ORAI2: variants seen among roughly 807,000 people sequenced by gnomAD.
ORAI2 encodes ORAI calcium release-activated calcium modulator 2.
A neutral mutation model predicts 16.2 loss-of-function variants in ORAI2; 10 were observed. The observed-to-expected ratio is 0.62, with a 90% CI of 0.38 to 1.04. ORAI2 has a LOEUF of 1.04. Among genes scored for constraint, ORAI2 ranks in the 50% least tolerant of loss-of-function variants. The pLI is 0.01. For synonymous variants in ORAI2, 150 were observed against 157.5 expected, an observed-to-expected ratio of 0.95 and a Z score of 0.35; for missense variants, 238 against 355.5, an observed-to-expected ratio of 0.67 and a Z score of 2.66.
intron 3 of ORAI2, among the ~76,000 whole-genome samples, chr7:102,446,204 C>G (rs544919308): frequency 6.6e-6 from 1 of 152,382 alleles, no homozygotes; most frequent in East Asian, 1.9e-4. Flanking sequence ...CAGCCTTGGC[C>G]TCTCAAAGTG....
At position 102,446,502 on chromosome 7, in the gene ORAI2, T is replaced by C. The variant is rs1170730426; in HGVS notation, c.226-11T>C. On this transcript the variant is annotated splice_polypyrimidine_tract_variant and intron_variant, in intron 3 of 3. Coordinates refer to ENST00000495936, the MANE Select transcript of ORAI2 (RefSeq NM_001126340.3). ...TCCACACCCAGCACCACTCGTCTGCTGTCCCCGCAGGTGGCCATGGTGGAG... is the reference window on the plus strand; with the variant it reads ...TCCACACCCAGCACCACTCGTCTGCCGTCCCCGCAGGTGGCCATGGTGGAG... 1 of 1,600,280 alleles carries C rather than the reference T, an allele frequency of 6.2e-7. No homozygotes were observed. The highest frequency in any genetic ancestry group is 1.7e-5 in the Admixed American group (1 of 59,562).
At position 102,454,524 on chromosome 7, in the gene ORAI2, G is replaced by C. The variant is rs1463162104; in HGVS notation, c.*7472G>C. The C allele has an allele frequency of 6.5e-6, 1 of 153,284 alleles. No individual in the cohort carries two copies. The highest frequency in any genetic ancestry group is 1.5e-5 in the Non-Finnish European group (1 of 68,074). The allele number at this position is 153,284 out of a possible 1,614,324, so 9.5% of individuals were successfully genotyped here. A position where few individuals can be genotyped will look rare whatever the true frequency, so the allele number is the denominator to read the frequency against. On this transcript the variant is annotated 3_prime_UTR_variant, in exon 4 of 4. Transcript: ENST00000495936. ...GGGCTTTGCATGGAGCTTGGCTCCTGTCCCTGCCTGTGAGGGAGGACCAGA... is the reference window on the plus strand; with the variant it reads ...GGGCTTTGCATGGAGCTTGGCTCCTCTCCCTGCCTGTGAGGGAGGACCAGA...
At chr7:102,446,406 C>T (rs991301361) in intron 3 of ORAI2, 107 bp from the exon 4 acceptor site, 153 of 1,219,792 alleles carry the variant, frequency 1.3e-4, no homozygotes, top group South Asian at 5.5e-4. Flanking sequence ...CATGGCTACC[C>T]TGTCCCCCGA....
At chr7:102,437,767 G>A (rs1797097527) in intron 2 of ORAI2, among the ~76,000 whole-genome samples, 1 of 152,082 alleles carries the variant, frequency 6.6e-6, no homozygotes, top group Non-Finnish European at 1.5e-5. Flanking sequence ...CCCTAGAGGT[G>A]AGGCCGGGTG....
Position 102,433,953 on chromosome 7 carries a change from GGA to G in ORAI2, c.-123+299_-123+300del, listed in dbSNP as rs1796991334. On this transcript the variant is annotated intron_variant, in intron 1 of 3. Coordinates refer to ENST00000495936, the MANE Select transcript of ORAI2 (RefSeq NM_001126340.3). The surrounding 1 kb of genome is among the most constrained non-coding windows in gnomAD (Gnocchi z 4.6). ...GAGGCCCCCTCCCAGTGCGCCTGCT[GGA>G]GAGAGACACTCGCCATTGCCGGTGC... Among the ~76,000 whole-genome samples, 1 of 151,948 alleles carries G rather than the reference GGA, an allele frequency of 6.6e-6. No homozygotes were observed. Among genetic ancestry groups the G allele is most frequent in the African/African-American group, 2.4e-5 (1 of 41,394 alleles).
At chr7:102,441,051 C>A (rs1228101659) in intron 3 of ORAI2, among the ~76,000 whole-genome samples, 1 of 151,746 alleles carries the variant, frequency 6.6e-6, no homozygotes. Context: ...CATCACCACG[C>A]CCAGCTAATT....
Position 102,447,114 on chromosome 7 carries a change from G to C in ORAI2, c.*62G>C. 1.4e-6 allele frequency: 2 copies of C among 1,443,508 alleles called. No individual in the cohort carries two copies. The highest frequency in any genetic ancestry group is 1.8e-6 in the Non-Finnish European group (2 of 1,101,882). The allele number at this position is 1,443,508 out of a possible 1,614,324, so 89.4% of individuals were successfully genotyped here. A position where few individuals can be genotyped will look rare whatever the true frequency, so the allele number is the denominator to read the frequency against. On this transcript the variant is annotated 3_prime_UTR_variant, in exon 4 of 4. Transcript: ENST00000495936. ...CGGGAGTCCGCAGAGGCGGGGATTT[G>C]TCAGATGCAGACATTTTGCAAGGCT...
intron 3 of ORAI2, among the ~76,000 whole-genome samples, chr7:102,442,580 G>T (rs1797234948): frequency 1.3e-5 from 2 of 152,120 alleles, no homozygotes; most frequent in Admixed American, 1.3e-4. Flanking sequence ...CCAGCTACTC[G>T]GGAGGCTGAG....
At chr7:102,434,059 C>T (rs1203511243) in intron 1 of ORAI2, among the ~76,000 whole-genome samples, 2 of 146,958 alleles carry the variant, frequency 1.4e-5, no homozygotes, top group Non-Finnish European at 3.0e-5. Context: ...AAGAAAAGCT[C>T]ATCTCTAGAG....
chr7:102,443,276 T>TC (rs1797264513), intron 3 of ORAI2, among the ~76,000 whole-genome samples: 1 of 140,114 alleles, frequency 7.1e-6, no homozygotes, highest in South Asian at 2.2e-4. Flanking sequence ...CTTTTCTCCT[T>TC]TTTTTTTTTT....
In ORAI2 at chr7:102,433,755, G is replaced by A. The variant is rs143692294; in HGVS notation, c.-123+94G>A. The A allele has an allele frequency of 0.028, 4,195 of 152,306 alleles. 61 individuals are homozygous for A. Among genetic ancestry groups the A allele is most frequent in the Non-Finnish European group, 0.042 (2,888 of 68,144 alleles). The allele number at this position is 152,306 out of a possible 1,614,324, so 9.4% of individuals were successfully genotyped here. On this transcript the variant is annotated intron_variant, in intron 1 of 3. Coordinates refer to ENST00000495936, the MANE Select transcript of ORAI2 (RefSeq NM_001126340.3). The surrounding 1 kb of genome is among the most constrained non-coding windows in gnomAD (Gnocchi z 4.6). ...ACCGGGGACGCTCGGCGGGGAAGGGGACGACTGTAGGCTGCCCGGGCGCGG... is the reference window on the plus strand; with the variant it reads ...ACCGGGGACGCTCGGCGGGGAAGGGAACGACTGTAGGCTGCCCGGGCGCGG...
At chr7:102,440,278 T>G (rs1033058930) in intron 3 of ORAI2, among the ~76,000 whole-genome samples, 5 of 152,100 alleles carry the variant, frequency 3.3e-5, no homozygotes, top group Non-Finnish European at 2.9e-5. Context: ...ATGCAGACGT[T>G]CCTGGAATCT....
chr7:102,439,289 G>A, intron 3 of ORAI2, 108 bp downstream of exon 3: 1 of 905,368 alleles, frequency 1.1e-6, no homozygotes, highest in Non-Finnish European at 1.7e-6. Context: ...CTGGCAGCCA[G>A]GATGGACCAG....
intron 1 of ORAI2, among the ~76,000 whole-genome samples, chr7:102,435,411 G>A (rs1354815468): frequency 1.3e-5 from 2 of 152,076 alleles, no homozygotes; most frequent in Non-Finnish European, 1.5e-5. Flanking sequence ...GCAAAGGGCC[G>A]CTCTGTCCCC....
intron 1 of ORAI2, among the ~76,000 whole-genome samples, chr7:102,435,642 T>C (rs1171293044): frequency 6.6e-6 from 1 of 151,260 alleles, no homozygotes; most frequent in African/African-American, 2.4e-5. Flanking sequence ...CCCAGCTATT[T>C]TTTTTTTTTT....
rs1404636063 is a variant in ORAI2, at chr7:102,454,455, A to G, written c.*7403A>G. On this transcript the variant is annotated 3_prime_UTR_variant, in exon 4 of 4. Transcript: ENST00000495936. ...CCATGGGTACTGTGGGATGGGGGAC[A>G]GGCTGGCTTAACACAAATCGAGGCA... 6.5e-6 allele frequency: 1 copy of G among 153,790 alleles called. No individual in the cohort carries two copies. The highest frequency in any genetic ancestry group is 2.4e-5 in the African/African-American group (1 of 41,474). 9.5% of individuals were successfully genotyped at this position (153,790 alleles called of 1,614,324 possible).
In ORAI2 at chr7:102,451,900, ACAGGGCCCTCTCTTTC is replaced by A. The variant is rs2133241499; in HGVS notation, c.*4852_*4867del. The A allele has an allele frequency of 6.6e-6, 1 of 152,376 alleles. No individual in the cohort carries two copies. Among genetic ancestry groups the A allele is most frequent in the African/African-American group, 2.4e-5 (1 of 41,572 alleles). The allele number at this position is 152,376 out of a possible 1,614,324, so 9.4% of individuals were successfully genotyped here. ...CTCTGCCTGGCGCTTCCCCTCCCAG[ACAGGGCCCTCTCTTTC>A]CAGAAACAAAAGAAGGGGCAGCCCC... is the stretch of plus-strand genomic sequence containing the variant. On this transcript the variant is annotated 3_prime_UTR_variant, in exon 4 of 4. Transcript: ENST00000495936.
chr7:102,441,309 A>C (rs1328299353), intron 3 of ORAI2, among the ~76,000 whole-genome samples: 3 of 150,034 alleles, frequency 2.0e-5, no homozygotes, highest in Non-Finnish European at 3.0e-5. Context: ...TGGGAGGCTG[A>C]GGTGGGCAGA....
In ORAI2 at chr7:102,455,855, G is replaced by T. The variant is rs1797632560; in HGVS notation, c.*8803G>T. 6.6e-6 allele frequency: 1 copy of T among 152,294 alleles called. No homozygotes were observed. Among genetic ancestry groups the T allele is most frequent in the African/African-American group, 2.4e-5 (1 of 41,470 alleles). The allele number at this position is 152,294 out of a possible 1,614,324, so 9.4% of individuals were successfully genotyped here. A position where few individuals can be genotyped will look rare whatever the true frequency, so the allele number is the denominator to read the frequency against. On this transcript the variant is annotated 3_prime_UTR_variant, in exon 4 of 4. Coordinates refer to ENST00000495936, the MANE Select transcript of ORAI2 (RefSeq NM_001126340.3). ...TCTCACAGCCACTAGAAACCCATCAGCCTTTCCCCTGGGTCTATGCGGGGC... is the reference window on the plus strand; with the variant it reads ...TCTCACAGCCACTAGAAACCCATCATCCTTTCCCCTGGGTCTATGCGGGGC...
Sources: allele counts gnomAD v4.1 joint callset (sites outside exome capture counted in the v4.1 genomes callset), GRCh38; gene constraint gnomAD v4.1.1; non-coding constraint Gnocchi (gnomAD v3.1); transcripts MANE v1.5; gene names NCBI Gene and HGNC (gene_info 2026-07-23, HGNC 2026-07-21).